Variants in ATRX observed in about 807,000 individuals in gnomAD.
ATRX encodes ATRX chromatin remodeler, also known as chromatin remodeler ATRX.
A neutral mutation model predicts 172.6 loss-of-function variants in ATRX; 12 were observed. The observed-to-expected ratio is 0.07, with a 90% CI of 0.04 to 0.11. The LOEUF (loss-of-function observed/expected upper bound fraction) is 0.11. Among genes scored for constraint, ATRX ranks in the 10% least tolerant of loss-of-function variants. The probability of loss-of-function intolerance (pLI) is 1.00; values close to 1 mark genes in which losing one functional copy is unlikely to be tolerated. For synonymous variants in ATRX, 674 were observed against 594.7 expected, an observed-to-expected ratio of 1.13 and a Z score of -1.94; for missense variants, 1,368 against 1,767.4, an observed-to-expected ratio of 0.77 and a Z score of 4.05.
intron 28 of ATRX, among the ~76,000 whole-genome samples, chrX:77,570,690 A>C (rs1478444743): frequency 8.9e-6 from 1 of 112,058 alleles, no homozygotes; most frequent in African/African-American, 3.2e-5. Context: ...AAAACAAAGA[A>C]ACAAACATTG....
chrX:77,641,586 A>C (rs1325796160), intron 15 of ATRX, among the ~76,000 whole-genome samples: 4 of 100,119 alleles, frequency 4.0e-5, no homozygotes, highest in Non-Finnish European at 8.0e-5. Flanking sequence ...CCATCTCAGA[A>C]AAAAAAAAAA....
At chrX:77,654,250 T>G in intron 13 of ATRX, 50 bp from the exon 14 acceptor site, 4 of 1,025,276 alleles carry the variant, frequency 3.9e-6, no homozygotes, top group Non-Finnish European at 5.5e-6. Context: ...TAAACTTCCA[T>G]CAATAAGTTA....
intron 1 of ATRX, among the ~76,000 whole-genome samples, chrX:77,727,302 C>G (rs2074091267): frequency 1.8e-5 from 2 of 111,443 alleles, no homozygotes; most frequent in Non-Finnish European, 3.8e-5. Flanking sequence ...ATTAGAAATA[C>G]CATTTGACCC....
intron 15 of ATRX, 117 bp downstream of exon 15, chrX:77,651,997 A>G (rs1403537316): frequency 4.9e-5 from 36 of 732,512 alleles, no homozygotes; most frequent in Non-Finnish European, 7.1e-5. Context: ...GTAATCCCAG[A>G]AGTTTAGGAG....
chrX:77,747,963 A>G (rs1305903290), intron 1 of ATRX, among the ~76,000 whole-genome samples: 1 of 111,673 alleles, frequency 9.0e-6, no homozygotes, highest in Admixed American at 9.6e-5. Context: ...CCTGGTTTAA[A>G]TAAGAGTCTG....
At chrX:77,561,310 C>CACATACAT (rs1353829882) in intron 28 of ATRX, among the ~76,000 whole-genome samples, 2 of 110,184 alleles carry the variant, frequency 1.8e-5, no homozygotes, top group African/African-American at 6.6e-5. Context: ...TTAAAAAACA[C>CACATACAT]ACATACATAC....
At chrX:77,712,000 C>T (rs1450662200) in intron 2 of ATRX, among the ~76,000 whole-genome samples, 3 of 112,036 alleles carry the variant, frequency 2.7e-5, no homozygotes, top group African/African-American at 9.7e-5. Flanking sequence ...AGGACCAGAG[C>T]TATTGGGAGA....
At position 77,667,349 on chromosome X, in the gene ATRX, T is replaced by TATGTGAAGC. The variant is rs2070315587; in HGVS notation, c.3810-2580_3810-2572dup. ...TGTGTGTGTGTGTGTGTGTATAAAATATGTGAAGCATTGAATACTGGATTA... is the reference window on the plus strand; with the variant it reads ...TGTGTGTGTGTGTGTGTGTATAAAATATGTGAAGCATGTGAAGCATTGAATACTGGATTA... On this transcript the variant is annotated intron_variant, in intron 10 of 34. Transcript: ENST00000373344. Among the ~76,000 whole-genome samples the TATGTGAAGC allele has an allele frequency of 4.9e-5, 5 of 102,746 alleles. No homozygotes were observed. The South Asian group carries it at 2.3e-3, about 46-fold the overall frequency. The allele number at this position is 102,746 out of a possible 115,157, so 89.2% of individuals were successfully genotyped here. A position where few individuals can be genotyped will look rare whatever the true frequency, so the allele number is the denominator to read the frequency against.
chrX:77,752,734 CTT>C (rs1335348475), intron 1 of ATRX, among the ~76,000 whole-genome samples: 1 of 111,831 alleles, frequency 8.9e-6, no homozygotes, highest in Admixed American at 9.5e-5. Flanking sequence ...TCATGTGGTT[CTT>C]GTCACTGGTT....
rs1198114357 is a variant in ATRX, at chrX:77,683,371, G to C, written c.1885C>G (p.Leu629Val). The change falls in exon 9 of 35, where the codon CTT (leucine) becomes GTT (valine). Residue 629 changes from leucine (L) to valine (V), a missense_variant. This residue lies in a region of ATRX where 843 missense variants were observed against 643.1 expected (regional missense o/e 1.31). Transcript: ENST00000373344. ...GLNPKLEKCG[L>V]GQENSDNEHL... ...TCATTATCACTGTTTTCCTGTCCAA[G>C]TCCACATTTCTCTAACTTGGGGTTC... 8.3e-7 allele frequency: 1 copy of C among 1,209,210 alleles called. No individual in the cohort carries two copies. Among genetic ancestry groups the C allele is most frequent in the Non-Finnish European group, 1.1e-6 (1 of 894,927 alleles).
chrX:77,607,214 A>G lies in ATRX; in HGVS notation c.5567-6650T>C, dbSNP rs1361019419. Among the ~76,000 whole-genome samples the G allele has an allele frequency of 3.6e-5, 4 of 111,896 alleles. No individual in the cohort carries two copies. The East Asian group carries it at 1.1e-3, about 31-fold the overall frequency. The stretch of plus-strand genomic sequence containing the variant: ...CAAATTATCTTTGTTTGCAGATGAC[A>G]TGACCTTATATTTGGGAAAGAAAAA... On this transcript the variant is annotated intron_variant, in intron 22 of 34. Coordinates refer to ENST00000373344, the MANE Select transcript of ATRX (RefSeq NM_000489.6).
At chrX:77,775,647 T>C in intron 1 of ATRX, among the ~76,000 whole-genome samples, 1 of 111,454 alleles carries the variant, frequency 9.0e-6, no homozygotes, top group East Asian at 2.8e-4. Flanking sequence ...ACTGCACCAA[T>C]GCACTCCAGC....
intron 30 of ATRX, among the ~76,000 whole-genome samples, chrX:77,530,951 C>T (rs925524282): frequency 2.7e-5 from 3 of 111,858 alleles, no homozygotes; most frequent in Admixed American, 1.9e-4. Flanking sequence ...ATAAGGGGGA[C>T]ATCCCCACTG....
rs782182609 is a variant in ATRX at position 77,680,170 on chromosome X, TTCTC to T, written c.3736+1346_3736+1349del. On this transcript the variant is annotated intron_variant, in intron 9 of 34. Coordinates refer to ENST00000373344, the MANE Select transcript of ATRX (RefSeq NM_000489.6). ...GAGCTTTTATAAAATATATAGTAAC[TTCTC>T]TCTATTATTTTTCTAAAAACCAAAA... Among the ~76,000 whole-genome samples, 350 of 111,882 alleles carry T rather than the reference TTCTC, an allele frequency of 3.1e-3. 1 individual carries two copies. The highest frequency in any genetic ancestry group is 3.0e-3 in the Non-Finnish European group (162 of 53,201).
rs782563327 is a variant in ATRX at position 77,683,033 on chromosome X, C to T, written c.2223G>A (p.Val741=). ...SDEMLAILKE[V]SRMSHSSSSD... is the part of the protein sequence containing the mutation. ...AAGAAGAACTGTGACTCATCCTGCT[C>T]ACCTCTTTGAGGATTGCTAGCATTT... Residue 741 remains valine (V), a synonymous_variant, in exon 9 of 35, where the codon GTG becomes GTA. Coordinates refer to ENST00000373344, the MANE Select transcript of ATRX (RefSeq NM_000489.6). The T allele has an allele frequency of 8.3e-7, 1 of 1,210,674 alleles. No individual in the cohort carries two copies. The highest frequency in any genetic ancestry group is 1.1e-6 in the Non-Finnish European group (1 of 894,799).
chrX:77,650,225 A>G lies in ATRX; in HGVS notation c.4557+1889T>C, dbSNP rs182050444. Among the ~76,000 whole-genome samples, 384 of 112,265 alleles carry G rather than the reference A, an allele frequency of 3.4e-3. 1 individual carries two copies. Among genetic ancestry groups the G allele is most frequent in the African/African-American group, 0.012 (362 of 30,968 alleles). On this transcript the variant is annotated intron_variant, in intron 15 of 34. Transcript: ENST00000373344. Reference sequence around the variant, plus strand: ...GTTAGAGGAGCTGTACCACAAAAAAAGGGACAAGCAGTTTTAAAGTACCTC... The same window carrying G: ...GTTAGAGGAGCTGTACCACAAAAAAGGGGACAAGCAGTTTTAAAGTACCTC...
chrX:77,735,839 T>TAAATAAATAA (rs2074536204), intron 1 of ATRX, among the ~76,000 whole-genome samples: 2 of 56,917 alleles, frequency 3.5e-5, no homozygotes, highest in African/African-American at 6.6e-5. Context: ...TAAATAAAAA[T>TAAATAAATAA]AAATAAATAC....
chrX:77,692,114 T>G (rs1557147342), intron 6 of ATRX, among the ~76,000 whole-genome samples: 1 of 111,781 alleles, frequency 8.9e-6, no homozygotes, highest in African/African-American at 3.3e-5. Context: ...TTTCAGACAC[T>G]GACTGCTACA....
chrX:77,679,576 A>G (rs1160929381), intron 9 of ATRX, among the ~76,000 whole-genome samples: 1 of 112,014 alleles, frequency 8.9e-6, no homozygotes, highest in Non-Finnish European at 1.9e-5. Flanking sequence ...AAATATTAAT[A>G]ATTCTCAACA....
Sources: gnomAD v4.1 joint callset for allele counts (sites outside exome capture counted in the v4.1 genomes callset) on GRCh38, gnomAD v4.1.1 for gene constraint, gnomAD v4.1.1 regional missense constraint, MANE v1.5 for transcripts, NCBI Gene and HGNC (gene_info 2026-07-23, HGNC 2026-07-21) for gene names.